Variants in NINJ2 observed in about 807,000 individuals in gnomAD.
NINJ2 encodes the protein ninjurin 2.
NINJ2 carries 12 observed loss-of-function variants against 11.7 expected under a neutral mutation model. The observed-to-expected ratio is 1.02, with a 90% CI of 0.66 to 1.66. The LOEUF (loss-of-function observed/expected upper bound fraction) is 1.66. NINJ2 is among the 40% of genes most tolerant of loss of function. The pLI is 0.00. For synonymous variants in NINJ2, 93 were observed against 76.8 expected, an observed-to-expected ratio of 1.21 and a Z score of -1.10; for missense variants, 187 against 181.8, an observed-to-expected ratio of 1.03 and a Z score of -0.16.
chr12:606,177 T>G (rs982314736), intron 1 of NINJ2, among the ~76,000 whole-genome samples: 39 of 152,098 alleles, frequency 2.6e-4, no homozygotes, highest in African/African-American at 9.4e-4. Flanking sequence ...CAGCCAATAT[T>G]CTATTTCAAA....
chr12:586,986 C>G (rs1947647280), intron 1 of NINJ2, among the ~76,000 whole-genome samples: 1 of 152,210 alleles, frequency 6.6e-6, no homozygotes, highest in Admixed American at 6.5e-5. Flanking sequence ...TTAGTGTGAG[C>G]AGATGGTAGA....
intron 1 of NINJ2, among the ~76,000 whole-genome samples, chr12:608,358 C>T (rs1311003323): frequency 3.3e-5 from 5 of 152,216 alleles, no homozygotes; most frequent in African/African-American, 1.2e-4. Context: ...TAATGTTACC[C>T]TTGAATAATA....
intron 1 of NINJ2, among the ~76,000 whole-genome samples, chr12:612,643 G>T (rs529503581): frequency 8.3e-4 from 127 of 152,276 alleles, no homozygotes; most frequent in African/African-American, 2.6e-3. Context: ...GCACTTGGAT[G>T]ACCTCCCTGA....
At chr12:629,346 C>T (rs933592768) in intron 1 of NINJ2, among the ~76,000 whole-genome samples, 3 of 152,162 alleles carry the variant, frequency 2.0e-5, no homozygotes, top group African/African-American at 7.2e-5. Flanking sequence ...GGATTTGCAC[C>T]GAGGCAGTCT....
intron 1 of NINJ2, among the ~76,000 whole-genome samples, chr12:613,019 G>A (rs1429575270): frequency 6.6e-6 from 1 of 152,184 alleles, no homozygotes; most frequent in Non-Finnish European, 1.5e-5. Flanking sequence ...CATCAGGCAA[G>A]GTGTGACCAG....
chr12:583,222 T>A (rs550743858), intron 1 of NINJ2, among the ~76,000 whole-genome samples: 146 of 117,082 alleles, frequency 1.2e-3, no homozygotes, highest in Middle Eastern at 5.9e-3. Context: ...GGCATGCTAG[T>A]GTGAATGAAT....
intron 1 of NINJ2, among the ~76,000 whole-genome samples, chr12:607,605 C>T (rs937407331): frequency 2.0e-5 from 3 of 152,198 alleles, no homozygotes; most frequent in African/African-American, 7.2e-5. Flanking sequence ...CAGGTGTGGC[C>T]ATTGGCTGTG....
At chr12:607,240 C>T (rs1275620248) in intron 1 of NINJ2, among the ~76,000 whole-genome samples, 1 of 152,164 alleles carries the variant, frequency 6.6e-6, no homozygotes, top group African/African-American at 2.4e-5. Flanking sequence ...CTTACAGCCA[C>T]ATCAGAGTCT....
At position 588,162 on chromosome 12, in the gene NINJ2, A is replaced by C. The variant is rs1947667211; in HGVS notation, c.34-21984T>G. ...ACAGCAAAATGGCGGAAGGAAGGGA[A>C]GGGACGGAAGGGACGGAAGGGACGG... On this transcript the variant is annotated intron_variant, in intron 1 of 3. Coordinates refer to ENST00000305108, the MANE Select transcript of NINJ2 (RefSeq NM_016533.6). Among the ~76,000 whole-genome samples, 8 of 117,744 alleles carry C rather than the reference A, an allele frequency of 6.8e-5. No homozygotes were observed. The Admixed American group carries it at 7.4e-4, about 11-fold the overall frequency. The allele number at this position is 117,744 out of a possible 152,430, so 77.2% of individuals were successfully genotyped here. A position where few individuals can be genotyped will look rare whatever the true frequency, so the allele number is the denominator to read the frequency against.
chr12:566,281 T>A (rs58403424), intron 1 of NINJ2, 103 bp from the exon 2 acceptor site: 1 of 924,018 alleles, frequency 1.1e-6, no homozygotes, highest in Admixed American at 2.5e-5. Context: ...CCAATCCAGA[T>A]GGGAAGCTCA....
chr12:572,598 GCACA>G (rs911311170), intron 1 of NINJ2, among the ~76,000 whole-genome samples: 1 of 152,212 alleles, frequency 6.6e-6, no homozygotes, highest in African/African-American at 2.4e-5. Context: ...CACACTGTGT[GCACA>G]CACAGTGGGC....
At chr12:567,204 A>C (rs1344001116) in intron 1 of NINJ2, among the ~76,000 whole-genome samples, 1 of 152,218 alleles carries the variant, frequency 6.6e-6, no homozygotes, top group Non-Finnish European at 1.5e-5. Flanking sequence ...GCAGATCACC[A>C]TGACAGGACA....
At chr12:607,017 T>C (rs985684716) in intron 1 of NINJ2, among the ~76,000 whole-genome samples, 1 of 152,238 alleles carries the variant, frequency 6.6e-6, no homozygotes, top group Non-Finnish European at 1.5e-5. Flanking sequence ...TCCTGTCCTT[T>C]GGCTTTGTGA....
At chr12:637,209 C>T (rs1470729507) in intron 1 of NINJ2, among the ~76,000 whole-genome samples, 4 of 151,392 alleles carry the variant, frequency 2.6e-5, no homozygotes, top group East Asian at 1.9e-4. Flanking sequence ...ATTAGCCAGG[C>T]GTGGTGGTGC....
rs138571960 is a variant in NINJ2, at chr12:611,263, T to TTCTC, written c.34-45086_34-45085insGAGA. Among the ~76,000 whole-genome samples the TTCTC allele has an allele frequency of 1.1e-4, 14 of 126,458 alleles. 1 individual carries two copies. Among genetic ancestry groups the TTCTC allele is most frequent in the South Asian group, 5.3e-4 (2 of 3,808 alleles). The allele number at this position is 126,458 out of a possible 152,430, so 83.0% of individuals were successfully genotyped here. A position where few individuals can be genotyped will look rare whatever the true frequency, so the allele number is the denominator to read the frequency against. On this transcript the variant is annotated intron_variant, in intron 1 of 3. Coordinates refer to ENST00000305108, the MANE Select transcript of NINJ2 (RefSeq NM_016533.6). ...TCTTTCTTTCTCTCTCTCTCTTTCTTTCTTTCTTTCTCTCTCTCTTTCTTT... is the reference window on the plus strand; with the variant it reads ...TCTTTCTTTCTCTCTCTCTCTTTCTTTCTCTCTTTCTTTCTCTCTCTCTTTCTTT...
Position 580,481 on chromosome 12 carries a change from G to A in NINJ2, c.34-14303C>T, listed in dbSNP as rs1057307324. Among the ~76,000 whole-genome samples the A allele has an allele frequency of 2.0e-5, 3 of 151,988 alleles. No homozygotes were observed. The highest frequency in any genetic ancestry group is 2.9e-5 in the Non-Finnish European group (2 of 68,010). ...TGCACGCCTATAATTCCAGCTACTC[G>A]GGAGGCTGAGGCAGGAGAATCACTT... On this transcript the variant is annotated intron_variant, in intron 1 of 3. Transcript: ENST00000305108. This position sits in a 1 kb window ranked among gnomAD's most constrained non-coding sequence, Gnocchi z 4.7.
chr12:603,006 AT>A (rs59384072), intron 1 of NINJ2, among the ~76,000 whole-genome samples: 115,556 of 150,154 alleles, frequency 0.77, 44,461 homozygotes, highest in Middle Eastern at 0.79. Flanking sequence ...CTAATTTTTA[AT>A]TTTTTTTTTT....
At chr12:599,002 C>T (rs1000589203) in intron 1 of NINJ2, among the ~76,000 whole-genome samples, 1 of 151,810 alleles carries the variant, frequency 6.6e-6, no homozygotes, top group Non-Finnish European at 1.5e-5. Context: ...GCCCAGCCTA[C>T]AATGCTTGTA....
chr12:582,921 G>A (rs529548199), intron 1 of NINJ2, among the ~76,000 whole-genome samples: 1 of 36,534 alleles, frequency 2.7e-5, no homozygotes, highest in South Asian at 1.7e-3. Flanking sequence ...ATGAATGGAC[G>A]CAGGCAGGCA....
Sources: allele counts gnomAD v4.1 joint callset (sites outside exome capture counted in the v4.1 genomes callset), GRCh38; gene constraint gnomAD v4.1.1; non-coding constraint Gnocchi (gnomAD v3.1); transcripts MANE v1.5; gene names NCBI Gene and HGNC (gene_info 2026-07-23, HGNC 2026-07-21).